Variants in FHIP1B observed in about 807,000 individuals in gnomAD.
FHIP1B encodes FHF complex subunit HOOK interacting protein 1B.
A neutral mutation model predicts 82.2 loss-of-function variants in FHIP1B; 28 were observed. That is an observed-to-expected ratio of 0.34 (90% CI 0.25 to 0.47). The LOEUF is 0.47. FHIP1B is among the 20% of genes least tolerant of loss of function. The pLI is 1.00. For missense variants in FHIP1B, 1,110 were observed against 1,262.6 expected (o/e 0.88, Z 1.83); for synonymous variants, 585 against 516.1 (o/e 1.13, Z -1.81).
intron 8 of FHIP1B, 67 bp from the exon 9 acceptor site, chr11:6,218,217 C>G (rs1219770037): frequency 1.3e-6 from 2 of 1,510,962 alleles, no homozygotes; most frequent in South Asian, 1.3e-5. Context: ...TAAGACACCT[C>G]GGGAGACTAA....
intron 5 of FHIP1B, 83 bp from the exon 6 acceptor site, chr11:6,222,692 C>A: frequency 6.4e-7 from 1 of 1,566,720 alleles, no homozygotes; most frequent in Non-Finnish European, 8.8e-7. Flanking sequence ...TAAGAGAAAT[C>A]AGGAGCAGAC....
chr11:6,214,079 T>C (rs980981533), intron 11 of FHIP1B, among the ~76,000 whole-genome samples: 2 of 147,998 alleles, frequency 1.4e-5, no homozygotes, highest in Non-Finnish European at 3.0e-5. Flanking sequence ...CCCACTCCTT[T>C]GCCTACCTAA....
At position 6,217,687 on chromosome 11, in the gene FHIP1B, G is replaced by C. The variant is rs1480815481; in HGVS notation, c.1899C>G (p.Pro633=). 9.9e-6 allele frequency: 16 copies of C among 1,613,448 alleles called. No individual in the cohort carries two copies. Among genetic ancestry groups the C allele is most frequent in the East Asian group, 2.2e-5 (1 of 44,828 alleles). The change falls in exon 9 of 12, where the codon CCC becomes CCG. Residue 633 remains proline (P), a synonymous_variant. Coordinates refer to ENST00000449352, the MANE Select transcript of FHIP1B (RefSeq NM_001098794.2). ...ATGATCCTGGCACTCCATTGAGCTGGGGAGGGGGCAGGTGACCAGGGCCCT... is the reference window on the plus strand; with the variant it reads ...ATGATCCTGGCACTCCATTGAGCTGCGGAGGGGGCAGGTGACCAGGGCCCT... The part of the protein sequence containing the change: ...AGEGPGHLPP[P]QLNGVPGSWP...
In FHIP1B at chr11:6,214,529, G is replaced by C. The variant is rs747277340; in HGVS notation, c.2439C>G (p.Ser813=). 3.1e-6 allele frequency: 5 copies of C among 1,614,022 alleles called. No homozygotes were observed. Among genetic ancestry groups the C allele is most frequent in the Non-Finnish European group, 4.2e-6 (5 of 1,179,924 alleles). ...VKNKIENFAA[S]QEDFPALLSK... ...ACAGCAGTGCTGGGAAGTCCTCCTGGGAAGCCGCAAAGTTCTCAATCTTAT... is the reference window on the plus strand; with the variant it reads ...ACAGCAGTGCTGGGAAGTCCTCCTGCGAAGCCGCAAAGTTCTCAATCTTAT... The change falls in exon 11 of 12, where the codon TCC becomes TCG. Residue 813 remains serine, a synonymous_variant. Transcript: ENST00000449352.
At chr11:6,218,915 C>A in intron 7 of FHIP1B, 56 bp downstream of exon 7, 1 of 1,590,940 alleles carries the variant, frequency 6.3e-7, no homozygotes, top group Non-Finnish European at 8.6e-7. Flanking sequence ...CCCAGCAATG[C>A]ATAAGACTCT....
At chr11:6,220,872 A>G (rs879318113) in intron 6 of FHIP1B, among the ~76,000 whole-genome samples, 5 of 152,224 alleles carry the variant, frequency 3.3e-5, no homozygotes, top group Non-Finnish European at 5.9e-5. Flanking sequence ...GAGGCCAATC[A>G]TGGCCTAATT....
intron 11 of FHIP1B, among the ~76,000 whole-genome samples, chr11:6,212,866 G>A (rs74398137): frequency 1.1e-4 from 17 of 152,088 alleles, no homozygotes; most frequent in East Asian, 9.7e-4. Context: ...CTTTTCATGC[G>A]CCTGTAGCTC....
chr11:6,211,494 C>G lies in FHIP1B; in HGVS notation c.*12G>C, dbSNP rs779076100. 1 of 1,567,428 alleles carries G rather than the reference C, an allele frequency of 6.4e-7. No homozygotes were observed. Among genetic ancestry groups the G allele is most frequent in the Non-Finnish European group, 8.6e-7 (1 of 1,160,686 alleles). ...CGGGCCACCCATGGCCCTGATTGTC[C>G]ATGGAAGAAAGTTAAGGATTGAGGG... On this transcript the variant is annotated 3_prime_UTR_variant, in exon 12 of 12. Transcript: ENST00000449352.
At chr11:6,217,135 T>C (rs971645065) in intron 9 of FHIP1B, 7 of 703,522 alleles carry the variant, frequency 9.9e-6, no homozygotes, top group South Asian at 4.4e-5. Flanking sequence ...AGGACATACA[T>C]ACAAGGCTCA....
At chr11:6,213,295 C>T (rs758796219) in intron 11 of FHIP1B, among the ~76,000 whole-genome samples, 1 of 152,242 alleles carries the variant, frequency 6.6e-6, no homozygotes, top group African/African-American at 2.4e-5. Flanking sequence ...TTGCCTTCTA[C>T]TTCGATTAGT....
At chr11:6,218,484 T>C (rs1478115823) in intron 8 of FHIP1B, 116 bp downstream of exon 8, 17 of 1,479,278 alleles carry the variant, frequency 1.1e-5, no homozygotes, top group Non-Finnish European at 1.5e-5. Context: ...AAAGACAGAC[T>C]ATCATTCATG....
intron 6 of FHIP1B, among the ~76,000 whole-genome samples, chr11:6,219,821 G>A (rs1847356128): frequency 6.6e-6 from 1 of 152,180 alleles, no homozygotes; most frequent in Non-Finnish European, 1.5e-5. Context: ...CAACGAATGG[G>A]TCTTGGTCTA....
At position 6,222,581 on chromosome 11, in the gene FHIP1B, G is replaced by T; in HGVS notation, c.1052C>A (p.Thr351Asn). The change falls in exon 6 of 12, where the codon ACC becomes AAC. Residue 351 changes from threonine (T) to asparagine (N), a missense_variant. By Grantham distance (65) the Thr-to-Asn change is moderately conservative. Transcript: ENST00000449352. ...CCGTAGGAAAAGTTCCAGATAGGCG[G>T]TACTGGCGATCATCTCCTCCACAGA... ...KTSVEEMIAS[T>N]AYLELFLRSI... The T allele has an allele frequency of 6.2e-7, 1 of 1,614,144 alleles. No homozygotes were observed. The highest frequency in any genetic ancestry group is 8.5e-7 in the Non-Finnish European group (1 of 1,180,018).
At chr11:6,211,899 T>C (rs938694644) in intron 11 of FHIP1B, 32 bp from the exon 12 acceptor site, 2 of 1,520,054 alleles carry the variant, frequency 1.3e-6, no homozygotes, top group Non-Finnish European at 1.8e-6. Flanking sequence ...ATGAAGGTGC[T>C]GGGATCAGGG....
At chr11:6,216,362 T>C (rs2133792768) in intron 9 of FHIP1B, among the ~76,000 whole-genome samples, 1 of 152,368 alleles carries the variant, frequency 6.6e-6, no homozygotes, top group South Asian at 2.1e-4. Flanking sequence ...AACTTAAATC[T>C]GCTATGTACC....
Position 6,222,476 on chromosome 11 carries a change from T to G in FHIP1B, c.1157A>C (p.Asp386Ala). ...LHRHDTHTIL[D>A]TLVARIGSNS... ...ACTGCCAATACGAGCAACGAGGGTGTCGAGGATGGTGTGGGTGTCATGCCG... is the reference window on the plus strand; with the variant it reads ...ACTGCCAATACGAGCAACGAGGGTGGCGAGGATGGTGTGGGTGTCATGCCG... The change falls in exon 6 of 12, where the codon GAC becomes GCC. Residue 386 changes from aspartate (D) to alanine (A), a missense_variant. Around this residue, in one of 6 missense-constraint regions of FHIP1B, gnomAD observed 467 missense variants for 602.9 expected, o/e 0.77. Coordinates refer to ENST00000449352, the MANE Select transcript of FHIP1B (RefSeq NM_001098794.2). The G allele has an allele frequency of 6.2e-7, 1 of 1,613,870 alleles. No individual in the cohort carries two copies. The highest frequency in any genetic ancestry group is 8.5e-7 in the Non-Finnish European group (1 of 1,179,982).
chr11:6,233,082 T>A (rs1235950048), intron 1 of FHIP1B, among the ~76,000 whole-genome samples: 4 of 152,242 alleles, frequency 2.6e-5, no homozygotes, highest in Non-Finnish European at 1.5e-5. Flanking sequence ...AAGTTCTGAC[T>A]GACTGGGCAA....
rs749192102 is a variant in FHIP1B, at chr11:6,224,253, G to GA, written c.139-6_139-5insT. 6.2e-7 allele frequency: 1 copy of GA among 1,611,372 alleles called. No individual in the cohort carries two copies. ...CCGCTCCAGGATTCGCACCACCTAG[G>GA]GAAAAAGGACAGAAGATGGAAGGAA... On this transcript the variant is annotated splice_polypyrimidine_tract_variant and splice_region_variant and intron_variant, in intron 2 of 11. Transcript: ENST00000449352.
chr11:6,217,862 G>A lies in FHIP1B; in HGVS notation c.1724C>T (p.Pro575Leu), dbSNP rs1011699412. 1.9e-6 allele frequency: 3 copies of A among 1,613,838 alleles called. No homozygotes were observed. Among genetic ancestry groups the A allele is most frequent in the Non-Finnish European group, 1.7e-6 (2 of 1,180,022 alleles). ...AGGAGAGGGCCGCTCGCCATCATAG[G>A]GGGCAGACCAGGTACGGCAGGCTCG... is the stretch of plus-strand genomic sequence containing the variant. Reference protein sequence around the residue: ...CVRACRTWSAPYDGERPSPEP... With the variant: ...CVRACRTWSALYDGERPSPEP... Residue 575 changes from proline (P) to leucine (L), a missense_variant, in exon 9 of 12, where the codon CCC becomes CTC. This residue lies in a region of FHIP1B where 418 missense variants were observed against 371.4 expected (regional missense o/e 1.13). Coordinates refer to ENST00000449352, the MANE Select transcript of FHIP1B (RefSeq NM_001098794.2).
Sources: gnomAD v4.1 joint callset for allele counts (sites outside exome capture counted in the v4.1 genomes callset) on GRCh38, gnomAD v4.1.1 for gene constraint, gnomAD v4.1.1 regional missense constraint, MANE v1.5 for transcripts, NCBI Gene and HGNC (gene_info 2026-07-23, HGNC 2026-07-21) for gene names.